Variants in POLG observed in about 807,000 individuals in gnomAD.
POLG encodes the protein DNA polymerase gamma, catalytic subunit.
A neutral mutation model predicts 155.4 loss-of-function variants in POLG; 110 were observed. The ratio of observed to expected loss-of-function variants is 0.71; its 90% confidence interval spans 0.61 to 0.83. The LOEUF (loss-of-function observed/expected upper bound fraction) is 0.83. Among genes scored for constraint, POLG ranks in the 40% least tolerant of loss-of-function variants. The probability of loss-of-function intolerance (pLI) is 0.00; values close to 1 mark genes in which losing one functional copy is unlikely to be tolerated. For synonymous variants in POLG, 701 were observed against 631.5 expected (o/e 1.11, Z -1.65); for missense variants, 1,685 against 1,627.5 (o/e 1.04, Z -0.61).
chr15:89,318,869 A>G lies in POLG; in HGVS notation c.3273+62T>C, dbSNP rs1327374981. ...ACCTACAAACATTGGTAAGGTCCAC[A>G]GGGAGCTCTGCCCTGCCCTCCCTGG... is the stretch of plus-strand genomic sequence containing the variant. On this transcript the variant is annotated intron_variant, in intron 20 of 22. Transcript: ENST00000268124. 12 of 1,590,558 alleles carry G rather than the reference A, an allele frequency of 7.5e-6. No individual in the cohort carries two copies. The Admixed American group carries it at 1.3e-4, about 18-fold the overall frequency.
At position 89,322,833 on chromosome 15, in the gene POLG, G is replaced by A; in HGVS notation, c.2335C>T (p.Leu779=). ...DFLPKMEDGT[L]QAGPGGASGP... is the part of the protein sequence containing the mutation. The stretch of plus-strand genomic sequence containing the variant: ...CTGGCACCTCCTGGGCCAGCCTGCA[G>A]GGTGCCATCCTCCATCTTGGGCAGG... The change falls in exon 14 of 23, where the codon CTG becomes TTG. Residue 779 remains leucine (L), a synonymous_variant. Coordinates refer to ENST00000268124, the MANE Select transcript of POLG (RefSeq NM_002693.3). The A allele has an allele frequency of 6.2e-7, 1 of 1,614,052 alleles. No homozygotes were observed. The highest frequency in any genetic ancestry group is 8.5e-7 in the Non-Finnish European group (1 of 1,179,948).
intron 10 of POLG, among the ~76,000 whole-genome samples, chr15:89,325,223 AG>A (rs2055488999): frequency 2.6e-5 from 1 of 38,648 alleles, no homozygotes; most frequent in Admixed American, 2.1e-4. Context: ...AGTGAGTGAG[AG>A]AGTGAGTGAG....
At position 89,333,637 on chromosome 15, in the gene POLG, G is replaced by C; in HGVS notation, c.118C>G (p.Arg40Gly). The C allele has an allele frequency of 6.3e-7, 1 of 1,590,624 alleles. No individual in the cohort carries two copies. The highest frequency in any genetic ancestry group is 2.3e-5 in the East Asian group (1 of 43,894). Residue 40 changes from arginine (R) to glycine (G), a missense_variant, in exon 2 of 23, where the codon CGG becomes GGG. Physicochemically the swap from Arg to Gly is moderately radical, Grantham distance 125. This residue lies in a region of POLG where 1,210 missense variants were observed against 1,167.1 expected (regional missense o/e 1.04). Transcript: ENST00000268124. Reference protein sequence around the residue: ...VPASDPSDGQRRRQQQQQQQQ... With the variant: ...VPASDPSDGQGRRQQQQQQQQ... ...TGCTGCTGCTGCTGCTGCCGCCGCC[G>C]CTGCCCGTCGCTGGGGTCGGACGCG...
chr15:89,328,366 T>A, intron 6 of POLG, 90 bp downstream of exon 6: 1 of 1,001,714 alleles, frequency 1.0e-6, no homozygotes, highest in Non-Finnish European at 1.6e-6. Flanking sequence ...GTCCCCAACC[T>A]GAGATAGAAC....
chr15:89,333,971 A>C (rs1245830970), intron 1 of POLG, 58 bp from the exon 2 acceptor site: 1 of 601,346 alleles, frequency 1.7e-6, no homozygotes, highest in South Asian at 2.0e-5. Flanking sequence ...AGGTGTATCC[A>C]TAATCATCAT....
chr15:89,333,079 AC>A lies in POLG; in HGVS notation c.659+16del, dbSNP rs745807900. The A allele has an allele frequency of 7.3e-6, 11 of 1,510,132 alleles. No homozygotes were observed. The highest frequency in any genetic ancestry group is 7.1e-6 in the Non-Finnish European group (8 of 1,129,778). The allele number at this position is 1,510,132 out of a possible 1,614,324, so 93.5% of individuals were successfully genotyped here. On this transcript the variant is annotated intron_variant, in intron 2 of 22. Coordinates refer to ENST00000268124, the MANE Select transcript of POLG (RefSeq NM_002693.3). The stretch of plus-strand genomic sequence containing the variant: ...GCCCCCATGCCTGCTTATGTCCCCA[AC>A]CCTGCCCCTACTTACCAGGCCGAGG...
At position 89,321,278 on chromosome 15, in the gene POLG, T is replaced by TA. The variant is rs2055392282; in HGVS notation, c.2599-19dup. On this transcript the variant is annotated intron_variant, in intron 16 of 22. Transcript: ENST00000268124. ...CGGTCAGGCTGTGGGAAGAGTGAGA[T>TA]ACCCAAATGAGACTCTTCCTACCCC... The TA allele has an allele frequency of 1.9e-6, 3 of 1,613,604 alleles. No individual in the cohort carries two copies. Among genetic ancestry groups the TA allele is most frequent in the Non-Finnish European group, 2.5e-6 (3 of 1,179,742 alleles).
rs1015831792 is a variant in POLG, at chr15:89,326,948, C to A, written c.1549G>T (p.Gly517Trp). 12 of 1,614,210 alleles carry A rather than the reference C, an allele frequency of 7.4e-6. No individual in the cohort carries two copies. The highest frequency in any genetic ancestry group is 1.0e-5 in the Non-Finnish European group (12 of 1,180,034). Residue 517 changes from glycine to tryptophan, a missense_variant, in exon 8 of 23, where the codon GGG (glycine) becomes TGG (tryptophan). By Grantham distance (184) the Gly-to-Trp change is radical (BLOSUM62 -2). Around this residue, in one of 3 missense-constraint regions of POLG, gnomAD observed 1,210 missense variants for 1,167.1 expected, o/e 1.04. Transcript: ENST00000268124. ...ATGGGATCACCAGGGGCCCCAGCCC[C>A]CTCGATGGGCAACTTGCTGGCTGTG... ...PATASKLPIE[G>W]AGAPGDPMDQ...
chr15:89,327,912 A>G (rs902436807), intron 6 of POLG, among the ~76,000 whole-genome samples: 3 of 152,122 alleles, frequency 2.0e-5, no homozygotes, highest in Non-Finnish European at 2.9e-5. Context: ...TGATTTTCTT[A>G]ATACATTTTC....
At chr15:89,324,834 A>G (rs1329107053) in intron 10 of POLG, among the ~76,000 whole-genome samples, 2 of 152,168 alleles carry the variant, frequency 1.3e-5, no homozygotes, top group Non-Finnish European at 2.9e-5. Flanking sequence ...TATCACTCAA[A>G]TTATATACAC....
intron 21 of POLG, 31 bp downstream of exon 21, chr15:89,318,510 G>C (rs1245140530): frequency 6.3e-7 from 1 of 1,596,436 alleles, no homozygotes; most frequent in Non-Finnish European, 8.6e-7. Context: ...AGGAGCACAT[G>C]GCCAGGCTAG....
At position 89,320,914 on chromosome 15, in the gene POLG, G is replaced by C. The variant is rs749112495; in HGVS notation, c.2833C>G (p.His945Asp). The C allele has an allele frequency of 6.2e-7, 1 of 1,613,954 alleles. No homozygotes were observed. Among genetic ancestry groups the C allele is most frequent in the South Asian group, 1.1e-5 (1 of 91,090 alleles). Reference protein sequence around the residue: ...TATTVGISREHAKIFNYGRIY... With the variant: ...TATTVGISREDAKIFNYGRIY... The stretch of plus-strand genomic sequence containing the variant: ...CGGCCGTAGTTGAAGATTTTGGCAT[G>C]CTCACGGCTGATGCCCACAGTAGTG... The change falls in exon 18 of 23, where the codon CAT (histidine) becomes GAT (aspartate). Residue 945 changes from histidine (H) to aspartate (D), a missense_variant. By Grantham distance (81) the His-to-Asp change is moderately conservative. Transcript: ENST00000268124.
chr15:89,324,192 T>TC lies in POLG; in HGVS notation c.1984dup (p.Glu662GlyfsTer22). ...GGGCATCAGCTGCTGCTTCCCCTGTTCGAGACAGTGCTTCCTGTACAGGGA... is the reference window on the plus strand; with the variant it reads ...GGGCATCAGCTGCTGCTTCCCCTGTTCCGAGACAGTGCTTCCTGTACAGGGA... On this transcript the variant is annotated frameshift_variant, in exon 11 of 23. Transcript: ENST00000268124. LOFTEE classifies it high-confidence loss of function. 3 of 1,613,596 alleles carry TC rather than the reference T, an allele frequency of 1.9e-6. No homozygotes were observed. The highest frequency in any genetic ancestry group is 2.5e-6 in the Non-Finnish European group (3 of 1,180,008).
rs761218512 is a variant in POLG at position 89,325,577 on chromosome 15, C to T, written c.1822G>A (p.Asp608Asn). The change falls in exon 10 of 23, where the codon GAT becomes AAT. Residue 608 changes from aspartate to asparagine, a missense_variant. Asp to Asn is a conservative substitution (Grantham distance 23, BLOSUM62 1). Coordinates refer to ENST00000268124, the MANE Select transcript of POLG (RefSeq NM_002693.3). ...VTPKLMALTWDGFPLHYSERH... is the reference protein window; with the variant it reads ...VTPKLMALTWNGFPLHYSERH... ...TCTGAGTAGTGCAGAGGGAAGCCAT[C>T]CCAGGTAAGTGCCATGAGTTTAGGT... is the stretch of plus-strand genomic sequence containing the variant. 1 of 1,613,752 alleles carries T rather than the reference C, an allele frequency of 6.2e-7. No homozygotes were observed. Among genetic ancestry groups the T allele is most frequent in the Non-Finnish European group, 8.5e-7 (1 of 1,179,998 alleles).
At chr15:89,318,812 A>T (rs2055348082) in intron 20 of POLG, 63 bp from the exon 21 acceptor site, 2 of 1,551,188 alleles carry the variant, frequency 1.3e-6, no homozygotes, top group African/African-American at 1.4e-5. Flanking sequence ...ACTCCAGGGT[A>T]GAAGCCCCAA....
rs1421803903 is a variant in POLG at position 89,325,073 on chromosome 15, TGAGTGAGTGAGA to T, written c.1949+365_1949+376del. ...GTGAGTGAGAGAGTGAGTGAGTGAG[TGAGTGAGTGAGA>T]GAGTGAGTGAGTGAGAGAGTGAGAG... On this transcript the variant is annotated intron_variant, in intron 10 of 22. Transcript: ENST00000268124. 7.3e-4 allele frequency among the ~76,000 whole-genome samples: 54 copies of T among 74,392 alleles called. 5 individuals carry two copies. The highest frequency in any genetic ancestry group is 3.0e-3 in the African/African-American group (38 of 12,616). The allele number at this position is 74,392 out of a possible 152,430, so 48.8% of individuals were successfully genotyped here. A position where few individuals can be genotyped will look rare whatever the true frequency, so the allele number is the denominator to read the frequency against.
chr15:89,332,728 C>G (rs183304246), intron 2 of POLG, among the ~76,000 whole-genome samples: 1 of 152,204 alleles, frequency 6.6e-6, no homozygotes, highest in East Asian at 1.9e-4. Flanking sequence ...TTAATAGCTC[C>G]CCAAATAGAA....
chr15:89,330,958 T>G (rs752640517), intron 2 of POLG, among the ~76,000 whole-genome samples: 1 of 152,068 alleles, frequency 6.6e-6, no homozygotes, highest in Admixed American at 6.6e-5. Context: ...CGACACTGAT[T>G]CAGGAAAAGG....
chr15:89,333,575 TTGCGGCTGC>T lies in POLG; in HGVS notation c.171_179del (p.Gln58_Gln60del). 1 of 1,609,964 alleles carries T rather than the reference TTGCGGCTGC, an allele frequency of 6.2e-7. No individual in the cohort carries two copies. Among genetic ancestry groups the T allele is most frequent in the Non-Finnish European group, 8.5e-7 (1 of 1,178,826 alleles). On this transcript the variant is annotated inframe_deletion, in exon 2 of 23. Transcript: ENST00000268124. ...GCTGCCCGCCCTCCGAGGATAGCAC[TTGCGGCTGC>T]TGAGGCTGCTGTTGCTGCTGCTGCT...
Sources: gnomAD v4.1 joint callset for allele counts (sites outside exome capture counted in the v4.1 genomes callset) on GRCh38, gnomAD v4.1.1 for gene constraint, gnomAD v4.1.1 regional missense constraint, MANE v1.5 for transcripts, NCBI Gene and HGNC (gene_info 2026-07-23, HGNC 2026-07-21) for gene names.